RIGI: variants seen among roughly 807,000 people sequenced by gnomAD.
The protein encoded by RIGI is antiviral innate immune response receptor RIG-I.
the RIGI span, among the ~76,000 whole-genome samples, chr9:32,467,115 G>A: frequency 6.6e-6 from 1 of 152,172 alleles, no homozygotes; most frequent in South Asian, 2.1e-4. Context: ...AAGAGTAGCA[G>A]TATCTGAGCA....
At chr9:32,498,429 T>C in the RIGI span, 3 of 449,082 alleles carry the variant, frequency 6.7e-6, no homozygotes, top group Non-Finnish European at 1.4e-5. Context: ...GCCTGTTTCC[T>C]GCTTCTGGCC....
the RIGI span, among the ~76,000 whole-genome samples, chr9:32,520,212 C>T: frequency 1.3e-5 from 2 of 151,766 alleles, no homozygotes; most frequent in African/African-American, 4.8e-5. Flanking sequence ...GGCTCTAGGT[C>T]ACAGTTTTGT....
the RIGI span, chr9:32,487,656 T>C: frequency 1.9e-6 from 3 of 1,606,822 alleles, no homozygotes; most frequent in Non-Finnish European, 2.6e-6. Context: ...TTCAAAATCA[T>C]TAGATGTCTG....
chr9:32,460,775 A>G, the RIGI span, among the ~76,000 whole-genome samples: 2 of 95,368 alleles, frequency 2.1e-5, no homozygotes, highest in Non-Finnish European at 4.7e-5. Context: ...TACACTGGGG[A>G]AAAAAAAAGC....
the RIGI span, among the ~76,000 whole-genome samples, chr9:32,507,686 C>T: frequency 1.7e-4 from 26 of 151,608 alleles, no homozygotes; most frequent in African/African-American, 5.6e-4. Flanking sequence ...TGTTCCATTG[C>T]CCAAGCAGAA....
the RIGI span, among the ~76,000 whole-genome samples, chr9:32,462,081 GT>G: frequency 7.9e-5 from 12 of 152,158 alleles, no homozygotes; most frequent in African/African-American, 2.9e-4. Flanking sequence ...AAACAGATGG[GT>G]TCTACCAACT....
At chr9:32,471,503 A>G in the RIGI span, among the ~76,000 whole-genome samples, 9 of 152,230 alleles carry the variant, frequency 5.9e-5, no homozygotes, top group Non-Finnish European at 1.0e-4. Context: ...TTTTATCCAC[A>G]AGGAGCTCAC....
At chr9:32,469,965 T>C in the RIGI span, among the ~76,000 whole-genome samples, 1 of 152,186 alleles carries the variant, frequency 6.6e-6, no homozygotes, top group South Asian at 2.1e-4. Context: ...CTCAAGAGTT[T>C]GTGGAAAAAG....
At chr9:32,477,149 TTTATAAATGGC>T in the RIGI span, 1 of 1,611,366 alleles carries the variant, frequency 6.2e-7, no homozygotes, top group South Asian at 1.1e-5. Context: ...TGGGAAACAT[TTTATAAATGGC>T]TTATAAATTC....
the RIGI span, among the ~76,000 whole-genome samples, chr9:32,498,620 T>C: frequency 6.6e-6 from 1 of 152,160 alleles, no homozygotes; most frequent in Non-Finnish European, 1.5e-5. Context: ...ACCAGAATAT[T>C]TGCAACATAT....
the RIGI span, among the ~76,000 whole-genome samples, chr9:32,521,139 C>CAAAAAA: frequency 2.1e-3 from 69 of 32,762 alleles, 16 homozygotes; most frequent in African/African-American, 4.4e-3. Flanking sequence ...GACACCATCT[C>CAAAAAA]AAAAAAAAAA....
chr9:32,498,207 C>T, the RIGI span: 1 of 449,302 alleles, frequency 2.2e-6, no homozygotes, highest in Non-Finnish European at 4.5e-6. Context: ...TTTTCATGTC[C>T]TCTGCTTCAC....
the RIGI span, among the ~76,000 whole-genome samples, chr9:32,484,527 T>C: frequency 6.6e-6 from 1 of 152,042 alleles, no homozygotes; most frequent in Non-Finnish European, 1.5e-5. Flanking sequence ...TGGGGGGAAA[T>C]CAGCCCCTCC....
the RIGI span, chr9:32,459,386 G>A: frequency 1.5e-5 from 25 of 1,613,484 alleles, no homozygotes; most frequent in Middle Eastern, 3.3e-4. Flanking sequence ...TCACTCTTAC[G>A]TCAGCTGTGT....
At chr9:32,504,446 G>A in the RIGI span, among the ~76,000 whole-genome samples, 1 of 152,122 alleles carries the variant, frequency 6.6e-6, no homozygotes, top group Admixed American at 6.5e-5. Flanking sequence ...GGGAGGCCAA[G>A]GTGGGTGGAT....
the RIGI span, among the ~76,000 whole-genome samples, chr9:32,496,238 T>C: frequency 6.6e-6 from 1 of 152,372 alleles, no homozygotes; most frequent in African/African-American, 2.4e-5. Flanking sequence ...ATTTGCTCTT[T>C]AATGCATTTT....
the RIGI span, among the ~76,000 whole-genome samples, chr9:32,505,835 A>C: frequency 2.6e-5 from 4 of 152,224 alleles, no homozygotes; most frequent in Non-Finnish European, 5.9e-5. Flanking sequence ...CGTTTAGTAC[A>C]CACCCATCTA....
the RIGI span, chr9:32,492,276 C>T: frequency 5.2e-6 from 6 of 1,148,300 alleles, no homozygotes; most frequent in South Asian, 4.8e-5. Context: ...GCTGGTCTCG[C>T]GTTAGAGATG....
chr9:32,472,628 G>A, the RIGI span, among the ~76,000 whole-genome samples: 1 of 152,150 alleles, frequency 6.6e-6, no homozygotes, highest in Non-Finnish European at 1.5e-5. Flanking sequence ...TCATGTCTGG[G>A]GGGTTCCAGT....
Sources: gnomAD v4.1 joint callset for allele counts (sites outside exome capture counted in the v4.1 genomes callset) on GRCh38, gnomAD v4.1.1 for gene constraint, MANE v1.5 for transcripts, NCBI Gene and HGNC (gene_info 2026-07-23, HGNC 2026-07-21) for gene names.